Variants in SLIT3 observed in about 807,000 individuals in gnomAD.
SLIT3 encodes the protein slit guidance ligand 3, also known as slit homolog 3 protein.
SLIT3 carries 68 observed loss-of-function variants against 184.0 expected under a neutral mutation model. The ratio of observed to expected loss-of-function variants is 0.37; its 90% CI spans 0.30 to 0.45. The LOEUF is 0.45. Among genes scored for constraint, SLIT3 ranks in the 20% least tolerant of loss-of-function variants. The probability of loss-of-function intolerance (pLI) is 1.00; values close to 1 mark genes in which losing one functional copy is unlikely to be tolerated. For synonymous variants in SLIT3, 831 were observed against 828.6 expected (o/e 1.00, Z -0.05); for missense variants, 1,707 against 2,026.0 (o/e 0.84, Z 3.02).
intron 4 of SLIT3, among the ~76,000 whole-genome samples, chr5:168,983,083 A>T (rs953960134): frequency 1.3e-5 from 2 of 152,226 alleles, no homozygotes; most frequent in African/African-American, 4.8e-5. Flanking sequence ...AAGGGGTCAT[A>T]CTGCTGACCT....
chr5:168,961,216 G>C (rs753893542), intron 4 of SLIT3, among the ~76,000 whole-genome samples: 24 of 152,140 alleles, frequency 1.6e-4, no homozygotes, highest in Non-Finnish European at 2.9e-4. Flanking sequence ...CTAGGTAACA[G>C]GACATAATTA....
intron 16 of SLIT3, 99 bp from the exon 17 acceptor site, chr5:168,754,106 G>A: frequency 3.0e-6 from 4 of 1,320,976 alleles, no homozygotes; most frequent in Non-Finnish European, 4.1e-6. Context: ...GACTCTCTGG[G>A]GCCCCTGAGA....
At chr5:169,106,946 C>T (rs2089635485) in intron 4 of SLIT3, among the ~76,000 whole-genome samples, 1 of 152,258 alleles carries the variant, frequency 6.6e-6, no homozygotes, top group Non-Finnish European at 1.5e-5. Flanking sequence ...AGGTCACCTG[C>T]ATCTAGGGAC....
At chr5:169,026,985 A>G (rs980612062) in intron 4 of SLIT3, among the ~76,000 whole-genome samples, 1 of 152,210 alleles carries the variant, frequency 6.6e-6, no homozygotes, top group African/African-American at 2.4e-5. Flanking sequence ...CATGAAATTT[A>G]CCAGTAAGTC....
At chr5:169,296,188 G>A (rs997571812) in intron 1 of SLIT3, among the ~76,000 whole-genome samples, 2 of 152,142 alleles carry the variant, frequency 1.3e-5, no homozygotes, top group African/African-American at 4.8e-5. Flanking sequence ...TCACTTTTAA[G>A]AACTAAAGAC....
chr5:168,679,166 C>A (rs1414947657), intron 32 of SLIT3, among the ~76,000 whole-genome samples: 1 of 152,208 alleles, frequency 6.6e-6, no homozygotes, highest in East Asian at 1.9e-4. Flanking sequence ...TCAAGTGATC[C>A]TCCTGCCTCA....
intron 4 of SLIT3, among the ~76,000 whole-genome samples, chr5:169,081,485 G>A (rs897301176): frequency 2.0e-5 from 3 of 152,152 alleles, no homozygotes; most frequent in Non-Finnish European, 4.4e-5. Flanking sequence ...GTCCCCAAAT[G>A]TGCAGGTGCT....
chr5:169,070,300 T>C (rs1476637967), intron 4 of SLIT3, among the ~76,000 whole-genome samples: 1 of 152,130 alleles, frequency 6.6e-6, no homozygotes, highest in Non-Finnish European at 1.5e-5. Flanking sequence ...TGGGTGGAGA[T>C]TTCCTCTGGA....
chr5:168,743,626 C>T (rs770647905), intron 20 of SLIT3, among the ~76,000 whole-genome samples: 7 of 152,308 alleles, frequency 4.6e-5, no homozygotes, highest in Non-Finnish European at 1.0e-4. Context: ...CTAAGAATCA[C>T]ACATCTCTCA....
intron 3 of SLIT3, among the ~76,000 whole-genome samples, chr5:169,199,009 T>TATAC (rs1554106538): frequency 7.5e-5 from 11 of 146,460 alleles, no homozygotes; most frequent in Middle Eastern, 7.0e-3. Context: ...TATATATAAA[T>TATAC]ACACACACAC....
chr5:168,940,940 T>C (rs9313431), intron 4 of SLIT3, among the ~76,000 whole-genome samples: 1 of 152,088 alleles, frequency 6.6e-6, no homozygotes, highest in Non-Finnish European at 1.5e-5. Context: ...CCCCCAGGAC[T>C]GTTGTCATTC....
chr5:168,952,570 TTAAA>T (rs1762693327), intron 4 of SLIT3, among the ~76,000 whole-genome samples: 7 of 120,226 alleles, frequency 5.8e-5, no homozygotes, highest in Admixed American at 1.6e-4. Flanking sequence ...GCAAAGGGAT[TTAAA>T]AAAAAAAAAA....
chr5:168,967,435 A>ATTTTTTTTTTTTTTTTTT (rs556216624), intron 4 of SLIT3, among the ~76,000 whole-genome samples: 10 of 30,754 alleles, frequency 3.3e-4, no homozygotes, highest in Admixed American at 4.4e-4. Flanking sequence ...GCCATCTCAA[A>ATTTTTTTTTTTTTTTTTT]TCTTTTTTTT....
chr5:168,972,788 T>C (rs1003211577), intron 4 of SLIT3, among the ~76,000 whole-genome samples: 4 of 152,132 alleles, frequency 2.6e-5, no homozygotes, highest in Admixed American at 1.3e-4. Flanking sequence ...TCACATTGGG[T>C]GTGAGAAGCA....
At chr5:169,197,513 C>T (rs1763776268) in intron 3 of SLIT3, among the ~76,000 whole-genome samples, 1 of 152,158 alleles carries the variant, frequency 6.6e-6, no homozygotes, top group Non-Finnish European at 1.5e-5. Flanking sequence ...TCCTGATAAA[C>T]AGGTAAGTGC....
chr5:168,792,287 T>C (rs1756405100), intron 10 of SLIT3: 1 of 152,242 alleles, frequency 6.6e-6, no homozygotes, highest in Non-Finnish European at 1.5e-5. Context: ...CTGGGATGAC[T>C]CTTGACCAGT....
At chr5:168,764,259 C>T (rs1362241151) in intron 14 of SLIT3, among the ~76,000 whole-genome samples, 2 of 152,194 alleles carry the variant, frequency 1.3e-5, no homozygotes, top group African/African-American at 2.4e-5. Context: ...TAACAGTGGC[C>T]ATTTACTGAA....
At chr5:169,181,404 T>G (rs919296443) in intron 4 of SLIT3, among the ~76,000 whole-genome samples, 16 of 152,158 alleles carry the variant, frequency 1.1e-4, no homozygotes, top group Admixed American at 3.3e-4. Context: ...TGATGATTTT[T>G]CATTTCTCTC....
chr5:168,666,584 C>T lies in SLIT3; in HGVS notation c.4442G>A (p.Gly1481Asp), dbSNP rs765547643. ...GGGCTGGCAGCACTGGGGCCCACAG[C>T]CCCCACGACATTCCATGATGGGCAC... ...SKVPIMECRG[G>D]CGPQCCQPTR... Residue 1481 changes from glycine to aspartate, a missense_variant, in exon 36 of 36, where the codon GGC (glycine) becomes GAC (aspartate). By Grantham distance (94) the Gly-to-Asp change is moderately conservative. This residue lies in a region of SLIT3 where 387 missense variants were observed against 477.9 expected (regional missense o/e 0.81). Coordinates refer to ENST00000519560, the MANE Select transcript of SLIT3 (RefSeq NM_003062.4). 1.7e-5 allele frequency: 27 copies of T among 1,614,016 alleles called. No homozygotes were observed. The highest frequency in any genetic ancestry group is 2.2e-5 in the Non-Finnish European group (26 of 1,180,022).
Sources: allele counts gnomAD v4.1 joint callset (sites outside exome capture counted in the v4.1 genomes callset), GRCh38; gene constraint gnomAD v4.1.1; regional missense constraint gnomAD v4.1.1; transcripts MANE v1.5; gene names NCBI Gene and HGNC (gene_info 2026-07-23, HGNC 2026-07-21).